AMPD3: variants seen among roughly 807,000 people sequenced by gnomAD.
AMPD3 encodes adenosine monophosphate deaminase 3.
Under a neutral mutation model 82.3 loss-of-function variants are expected in AMPD3, and 57 were observed. The ratio of observed to expected loss-of-function variants is 0.69; its 90% CI spans 0.56 to 0.86. The LOEUF is 0.86. AMPD3 is among the 40% of genes least tolerant of loss of function. AMPD3 has a pLI of 0.00. For synonymous variants in AMPD3, 381 were observed against 394.7 expected, an observed-to-expected ratio of 0.97 and a Z score of 0.41; for missense variants, 870 against 1,003.8, an observed-to-expected ratio of 0.87 and a Z score of 1.80.
In AMPD3 at chr11:10,474,782, C is replaced by T. The variant is rs561262726; in HGVS notation, c.222-3744C>T. On this transcript the variant is annotated intron_variant, in intron 2 of 14. Transcript: ENST00000396553. ...CTCACAGCCCCACACTCTGCTGGCT[C>T]CTTGGCAGGAGTGTGCTTCTGCCAG... is the stretch of plus-strand genomic sequence containing the variant. 2.2e-4 allele frequency among the ~76,000 whole-genome samples: 34 copies of T among 152,326 alleles called. No homozygotes were observed. The East Asian group carries it at 5.8e-3, about 26-fold the overall frequency.
chr11:10,481,487 C>T (rs1019379453), intron 3 of AMPD3: 17 of 985,282 alleles, frequency 1.7e-5, no homozygotes, highest in South Asian at 9.4e-5. Flanking sequence ...TGTCTTCCAA[C>T]GACCCTAACT....
chr11:10,487,350 T>C lies in AMPD3; in HGVS notation c.925T>C (p.Tyr309His), dbSNP rs781470085. The C allele has an allele frequency of 1.2e-6, 2 of 1,614,146 alleles. No individual in the cohort carries two copies. The highest frequency in any genetic ancestry group is 2.2e-5 in the South Asian group (2 of 91,082). ...ELKSNPHRDF[Y>H]NVRKVDTHIH... ...GAAGAGTAACCCCCACCGGGACTTC[T>C]ATAACGTGAGAAAGGTGCGTTAGGG... Residue 309 changes from tyrosine to histidine, a missense_variant, in exon 6 of 15, where the codon TAT becomes CAT. Coordinates refer to ENST00000396553, the MANE Select transcript of AMPD3 (RefSeq NM_001025389.2).
At chr11:10,500,307 G>GCAAACACATGCACACACA in intron 11 of AMPD3, 58 bp downstream of exon 11, 1 of 1,560,792 alleles carries the variant, frequency 6.4e-7, no homozygotes, top group Non-Finnish European at 8.8e-7. Context: ...ATGCACGCAT[G>GCAAACACATGCACACACA]CACACACATG....
At chr11:10,501,912 G>T (rs1564858346) in intron 12 of AMPD3, 4 of 984,646 alleles carry the variant, frequency 4.1e-6, no homozygotes, top group Non-Finnish European at 4.8e-6. Context: ...AATGAACACA[G>T]AATTTGGTTC....
rs11042836 is a variant in AMPD3 at position 10,482,189 on chromosome 11, C to T, written c.553C>T (p.Arg185Trp). The T allele has an allele frequency of 0.072, 115,956 of 1,613,268 alleles. 4,806 individuals are homozygous for T. Among genetic ancestry groups the T allele is most frequent in the Non-Finnish European group, 0.084 (99,605 of 1,179,850 alleles). Residue 185 changes from arginine to tryptophan, a missense_variant, in exon 4 of 15, where the codon CGG (arginine) becomes TGG (tryptophan). Physicochemically the swap from Arg to Trp is moderately radical, Grantham distance 101 (BLOSUM62 -3). Coordinates refer to ENST00000396553, the MANE Select transcript of AMPD3 (RefSeq NM_001025389.2). ...CACATCCCAGTACCTGGGTCATCCGCGGGCGGATACTGCACCTCCGGAAGA... is the reference window on the plus strand; with the variant it reads ...CACATCCCAGTACCTGGGTCATCCGTGGGCGGATACTGCACCTCCGGAAGA... The part of the protein sequence containing the change: ...RITSQYLGHP[R>W]ADTAPPEEGL...
Position 10,482,325 on chromosome 11 carries a change from A to C in AMPD3, c.589+100A>C, listed in dbSNP as rs1014166109. The stretch of plus-strand genomic sequence containing the variant: ...GGTCTATTTCCCCTGATAGTATTTT[A>C]AAATGACAATGTTCTTTCATTGGCT... On this transcript the variant is annotated intron_variant, in intron 4 of 14. Coordinates refer to ENST00000396553, the MANE Select transcript of AMPD3 (RefSeq NM_001025389.2). 31 of 1,378,800 alleles carry C rather than the reference A, an allele frequency of 2.2e-5. No homozygotes were observed. In the Admixed American group the frequency reaches 6.4e-4, roughly 29 times the overall value. 85.4% of individuals were successfully genotyped at this position (1,378,800 alleles called of 1,614,324 possible).
At chr11:10,492,996 C>T (rs544393303) in intron 6 of AMPD3, among the ~76,000 whole-genome samples, 9 of 152,236 alleles carry the variant, frequency 5.9e-5, no homozygotes, top group African/African-American at 1.7e-4. Flanking sequence ...AGTGGCAAGG[C>T]GAGAGTTAAG....
At chr11:10,490,716 T>C in intron 6 of AMPD3, 8 of 915,682 alleles carry the variant, frequency 8.7e-6, no homozygotes, top group Non-Finnish European at 1.0e-5. Context: ...CCCCCTGTGG[T>C]GTGTCATTGG....
chr11:10,492,975 C>T (rs1849281940), intron 6 of AMPD3, among the ~76,000 whole-genome samples: 1 of 152,114 alleles, frequency 6.6e-6, no homozygotes, highest in Non-Finnish European at 1.5e-5. Flanking sequence ...GGCTGCAGCA[C>T]AGAATGGGGC....
intron 2 of AMPD3, chr11:10,473,633 T>C: frequency 5.1e-6 from 5 of 979,334 alleles, no homozygotes; most frequent in Non-Finnish European, 6.1e-6. Context: ...GAGTGAGTGA[T>C]CTCTGTGCGC....
At chr11:10,479,378 A>G (rs562884725) in intron 3 of AMPD3, among the ~76,000 whole-genome samples, 6 of 152,272 alleles carry the variant, frequency 3.9e-5, no homozygotes, top group African/African-American at 1.4e-4. Context: ...CCTGGCCCCA[A>G]CTCACTACTT....
chr11:10,481,939 G>A (rs1848919661), intron 3 of AMPD3, 124 bp from the exon 4 acceptor site: 1 of 1,174,628 alleles, frequency 8.5e-7, no homozygotes, highest in South Asian at 1.2e-5. Context: ...GGAGTGGTGA[G>A]AACCCTCCTG....
At chr11:10,461,892 T>G in intron 2 of AMPD3, 152 bp downstream of exon 2, 1 of 746,394 alleles carries the variant, frequency 1.3e-6, no homozygotes, top group Non-Finnish European at 2.3e-6. Flanking sequence ...ACTCACCTCT[T>G]ATTTATTGAG....
chr11:10,470,951 G>GA (rs1172639958), intron 2 of AMPD3, among the ~76,000 whole-genome samples: 3 of 151,960 alleles, frequency 2.0e-5, no homozygotes, highest in Non-Finnish European at 4.4e-5. Flanking sequence ...CACAGAATTA[G>GA]AAAAAAACTA....
rs1391254041 is a variant in AMPD3 at position 10,502,966 on chromosome 11, A to G, written c.2016+72A>G. The G allele has an allele frequency of 1.2e-5, 18 of 1,550,274 alleles. No individual in the cohort carries two copies. The Middle Eastern group carries it at 7.2e-4, about 62-fold the overall frequency. The stretch of plus-strand genomic sequence containing the variant: ...CCTAGCCTGTCCTCCCATTTCAGGA[A>G]CCTGAGCCCATGGCTTAGTTCTGCT... On this transcript the variant is annotated intron_variant, in intron 13 of 14. Transcript: ENST00000396553.
At chr11:10,476,074 T>C (rs1848727724) in intron 2 of AMPD3, among the ~76,000 whole-genome samples, 2 of 152,178 alleles carry the variant, frequency 1.3e-5, no homozygotes, top group African/African-American at 4.8e-5. Flanking sequence ...CCATCAAGTT[T>C]GTGGCAATTT....
In AMPD3 at chr11:10,482,096, A is replaced by G. The variant is rs756660564; in HGVS notation, c.460A>G (p.Ser154Gly). The G allele has an allele frequency of 3.8e-5, 62 of 1,614,206 alleles. 3 individuals are homozygous for G. The South Asian group carries it at 6.0e-4, about 16-fold the overall frequency. ...GGAGGACTATGAGCAGGCAGCCAAG[A>G]GTCTGGCCAAGGCCCTAATGATCCG... is the stretch of plus-strand genomic sequence containing the variant. ...TLEDYEQAAK[S>G]LAKALMIREK... Residue 154 changes from serine (S) to glycine (G), a missense_variant, in exon 4 of 15, where the codon AGT (serine) becomes GGT (glycine). Transcript: ENST00000396553.
chr11:10,455,939 G>A (rs1848080579), intron 1 of AMPD3: 33 of 985,232 alleles, frequency 3.3e-5, no homozygotes, highest in South Asian at 4.7e-5. Context: ...TGATGATATC[G>A]CTCGTTGCTA....
At chr11:10,500,492 TATGTC>T in intron 11 of AMPD3, 1 of 656,180 alleles carries the variant, frequency 1.5e-6, no homozygotes, top group Non-Finnish European at 1.9e-6. Flanking sequence ...AGTACAGACA[TATGTC>T]ATGTACAGTA....
Sources: gnomAD v4.1 joint callset for allele counts (sites outside exome capture counted in the v4.1 genomes callset) on GRCh38, gnomAD v4.1.1 for gene constraint, MANE v1.5 for transcripts, NCBI Gene and HGNC (gene_info 2026-07-23, HGNC 2026-07-21) for gene names.